WASHC4: variants seen among roughly 807,000 people sequenced by gnomAD.
WASHC4 encodes WASH complex subunit 4.
In WASHC4, 86 loss-of-function variants were observed where a neutral mutation model predicts 166.6. That is an observed-to-expected ratio of 0.52 (90% CI 0.43 to 0.62). The LOEUF (loss-of-function observed/expected upper bound fraction) is 0.62. WASHC4 is among the 20% of genes least tolerant of loss of function. WASHC4 has a pLI of 0.00. For missense variants in WASHC4, 1,262 were observed against 1,382.4 expected (o/e 0.91, Z 1.38); for synonymous variants, 446 against 451.6 (o/e 0.99, Z 0.16).
chr12:105,126,256 A>G lies in WASHC4; in HGVS notation c.932A>G (p.Gln311Arg). The part of the protein sequence containing the change: ...AKLGEPSEID[Q>R]RDKYVGICGL... ...TAAGGAGAACCTTCTGAAATTGACC[A>G]GAGAGACAAGTATGTTGGAATTTGT... The change falls in exon 12 of 33, where the codon CAG becomes CGG. Residue 311 changes from glutamine to arginine, a missense_variant. Physicochemically the swap from Gln to Arg is conservative, Grantham distance 43. Transcript: ENST00000332180. The G allele has an allele frequency of 6.2e-7, 1 of 1,612,598 alleles. No homozygotes were observed. Among genetic ancestry groups the G allele is most frequent in the Non-Finnish European group, 8.5e-7 (1 of 1,178,972 alleles).
intron 13 of WASHC4, among the ~76,000 whole-genome samples, chr12:105,131,633 C>T (rs1226984068): frequency 2.0e-5 from 3 of 152,122 alleles, no homozygotes; most frequent in African/African-American, 7.2e-5. Context: ...CTGTTCTCTC[C>T]TGTACATGGG....
At chr12:105,113,308 T>C (rs1879868319) in intron 2 of WASHC4, among the ~76,000 whole-genome samples, 1 of 152,104 alleles carries the variant, frequency 6.6e-6, no homozygotes, top group Non-Finnish European at 1.5e-5. Context: ...TGTTGGGCTT[T>C]AAGGGCCTCT....
chr12:105,139,817 TAG>T (rs983580865), intron 15 of WASHC4, among the ~76,000 whole-genome samples: 1 of 152,066 alleles, frequency 6.6e-6, no homozygotes, highest in Admixed American at 6.6e-5. Context: ...ATTTTCTTTA[TAG>T]AGACTTTTGA....
In WASHC4 at chr12:105,144,661, G is replaced by T. The variant is rs1226207888; in HGVS notation, c.2180-57G>T. The stretch of plus-strand genomic sequence containing the variant: ...ACAAGTTGTTGTTTTTTCCTTTTAG[G>T]TTTCATTTCTTTTCCTTTTCTACTG... On this transcript the variant is annotated intron_variant, in intron 21 of 32. Transcript: ENST00000332180. 1.3e-5 allele frequency: 20 copies of T among 1,489,136 alleles called. No homozygotes were observed. The African/African-American group carries it at 2.4e-4, about 18-fold the overall frequency. 92.2% of individuals were successfully genotyped at this position (1,489,136 alleles called of 1,614,324 possible).
intron 9 of WASHC4, among the ~76,000 whole-genome samples, chr12:105,121,436 G>C (rs559735443): frequency 4.4e-4 from 67 of 152,156 alleles, no homozygotes; most frequent in Non-Finnish European, 8.1e-4. Context: ...TCTTATAGTA[G>C]TAGAAAGTTA....
At chr12:105,114,598 A>T (rs1880005518) in intron 4 of WASHC4, among the ~76,000 whole-genome samples, 171 bp downstream of exon 4, 1 of 152,052 alleles carries the variant, frequency 6.6e-6, no homozygotes, top group Non-Finnish European at 1.5e-5. Flanking sequence ...TGTACAAAAC[A>T]CCAGGCTAAC....
rs199808357 is a variant in WASHC4 at position 105,137,926 on chromosome 12, C to T, written c.1367C>T (p.Thr456Ile). ...YAYSISTIIK[T>I]TMNLYMSMQK... Reference sequence around the variant, plus strand: ...TATAGTATTAGTACCATTATTAAAACCACAATGAATCTCTACATGTCCATG... The same window carrying T: ...TATAGTATTAGTACCATTATTAAAATCACAATGAATCTCTACATGTCCATG... Residue 456 changes from threonine to isoleucine, a missense_variant, in exon 15 of 33, where the codon ACC becomes ATC. Physicochemically the swap from Thr to Ile is moderately conservative, Grantham distance 89. Coordinates refer to ENST00000332180, the MANE Select transcript of WASHC4 (RefSeq NM_015275.3). 1.2e-6 allele frequency: 2 copies of T among 1,610,796 alleles called. No homozygotes were observed. Among genetic ancestry groups the T allele is most frequent in the Non-Finnish European group, 1.7e-6 (2 of 1,177,240 alleles).
At chr12:105,150,713 A>G (rs539538118) in intron 25 of WASHC4, among the ~76,000 whole-genome samples, 3 of 152,324 alleles carry the variant, frequency 2.0e-5, no homozygotes, top group Admixed American at 1.3e-4. Context: ...TCATGCTGCT[A>G]TGAAGAAATA....
At position 105,126,131 on chromosome 12, in the gene WASHC4, AT is replaced by A; in HGVS notation, c.910+5del. The A allele has an allele frequency of 6.2e-6, 10 of 1,613,030 alleles. No homozygotes were observed. Among genetic ancestry groups the A allele is most frequent in the Non-Finnish European group, 8.5e-6 (10 of 1,179,340 alleles). On this transcript the variant is annotated splice_donor_5th_base_variant and intron_variant, in intron 11 of 32. Transcript: ENST00000332180. ...GCAAATGTAGAAGCCAAACTTGGTAATGTAAATCGCATTTTTTGGTTTTTGT... is the reference window on the plus strand; with the variant it reads ...GCAAATGTAGAAGCCAAACTTGGTAAGTAAATCGCATTTTTTGGTTTTTGT...
At chr12:105,157,198 A>G (rs759471463) in intron 27 of WASHC4, 38 bp from the exon 28 acceptor site, 1 of 1,026,316 alleles carries the variant, frequency 9.7e-7, no homozygotes, top group Non-Finnish European at 1.5e-6. Context: ...CACATATTTT[A>G]CTTGACCTAA....
chr12:105,121,576 C>T (rs1161492221), intron 9 of WASHC4, among the ~76,000 whole-genome samples: 5 of 152,252 alleles, frequency 3.3e-5, no homozygotes, highest in East Asian at 1.9e-4. Flanking sequence ...GGCGTGATCT[C>T]GGCTCACTGC....
At position 105,143,227 on chromosome 12, in the gene WASHC4, T is replaced by C. The variant is rs768810218; in HGVS notation, c.1994T>C (p.Met665Thr). 1.3e-6 allele frequency: 2 copies of C among 1,573,046 alleles called. No individual in the cohort carries two copies. The highest frequency in any genetic ancestry group is 2.2e-5 in the East Asian group (1 of 44,556). The change falls in exon 20 of 33, where the codon ATG becomes ACG. Residue 665 changes from methionine to threonine, a missense_variant. Met to Thr is a moderately conservative substitution (Grantham distance 81). Coordinates refer to ENST00000332180, the MANE Select transcript of WASHC4 (RefSeq NM_015275.3). ...ILLDCYDKEI[M>T]EILNEHLLDK... ...CTGGATTGCTATGACAAGGAAATTATGGAAATTTTAAATGAGGTAACATCA... is the reference window on the plus strand; with the variant it reads ...CTGGATTGCTATGACAAGGAAATTACGGAAATTTTAAATGAGGTAACATCA...
chr12:105,164,090 T>TA (rs1430489626), intron 30 of WASHC4, 21 bp from the exon 31 acceptor site: 1 of 1,611,826 alleles, frequency 6.2e-7, no homozygotes, highest in Non-Finnish European at 8.5e-7. Flanking sequence ...AATTTAACCT[T>TA]AGTTTTGCTT....
intron 15 of WASHC4, among the ~76,000 whole-genome samples, chr12:105,139,425 G>GTGTGTATATA: frequency 8.7e-5 from 9 of 103,228 alleles, no homozygotes; most frequent in South Asian, 7.4e-4. Context: ...ATGTGTGTGT[G>GTGTGTATATA]TATATATATA....
chr12:105,137,017 A>G (rs190274597), intron 14 of WASHC4, among the ~76,000 whole-genome samples: 6 of 152,296 alleles, frequency 3.9e-5, no homozygotes, highest in Admixed American at 2.0e-4. Context: ...CCCCACCTCC[A>G]TAATGTATCT....
At chr12:105,113,578 A>G (rs553682787) in intron 2 of WASHC4, among the ~76,000 whole-genome samples, 1 of 152,216 alleles carries the variant, frequency 6.6e-6, no homozygotes, top group East Asian at 1.9e-4. Context: ...AAACCTCTGT[A>G]AACAAAAATT....
At chr12:105,156,701 C>G (rs1187464158) in intron 26 of WASHC4, 25 bp from the exon 27 acceptor site, 1 of 1,549,400 alleles carries the variant, frequency 6.5e-7, no homozygotes, top group Admixed American at 1.7e-5. Flanking sequence ...ATATAAATAT[C>G]TGATTTTTTT....
At chr12:105,116,910 C>A (rs891211355) in intron 6 of WASHC4, among the ~76,000 whole-genome samples, 1 of 152,096 alleles carries the variant, frequency 6.6e-6, no homozygotes, top group African/African-American at 2.4e-5. Context: ...AGAAGAAGCC[C>A]CATGAAACTG....
intron 25 of WASHC4, among the ~76,000 whole-genome samples, chr12:105,150,106 A>G (rs1284655465): frequency 6.6e-6 from 1 of 152,230 alleles, no homozygotes; most frequent in Non-Finnish European, 1.5e-5. Context: ...CTTTGTATAT[A>G]AACATGTATA....
Sources: gnomAD v4.1 joint callset for allele counts (sites outside exome capture counted in the v4.1 genomes callset) on GRCh38, gnomAD v4.1.1 for gene constraint, MANE v1.5 for transcripts, NCBI Gene and HGNC (gene_info 2026-07-23, HGNC 2026-07-21) for gene names.